NUP188: variants seen among roughly 807,000 people sequenced by gnomAD.
NUP188 encodes the protein nucleoporin 188.
A neutral mutation model predicts 223.0 loss-of-function variants in NUP188; 97 were observed. The ratio of observed to expected loss-of-function variants is 0.43; its 90% CI spans 0.37 to 0.51. The LOEUF is 0.51. Ranked by LOEUF, NUP188 falls within the 20% of genes least tolerant of loss-of-function variation. NUP188 has a pLI of 0.00. For synonymous variants in NUP188, 869 were observed against 828.0 expected, an observed-to-expected ratio of 1.05 and a Z score of -0.85; for missense variants, 1,947 against 2,175.6, an observed-to-expected ratio of 0.89 and a Z score of 2.09.
At chr9:128,970,606 G>T (rs1477226242) in intron 10 of NUP188, 152 bp from the exon 11 acceptor site, 3 of 639,228 alleles carry the variant, frequency 4.7e-6, no homozygotes, top group East Asian at 2.8e-5. Context: ...GTTTATTAGT[G>T]AGGTGACTGG....
At position 128,952,775 on chromosome 9, in the gene NUP188, T is replaced by G; in HGVS notation, c.90T>G (p.Ser30Arg). The G allele has an allele frequency of 6.2e-7, 1 of 1,611,916 alleles. No homozygotes were observed. Among genetic ancestry groups the G allele is most frequent in the Non-Finnish European group, 8.5e-7 (1 of 1,178,938 alleles). Residue 30 changes from serine to arginine, a missense_variant and splice_region_variant, in exon 3 of 44, where the codon AGT (serine) becomes AGG (arginine). Physicochemically the swap from Ser to Arg is moderately radical, Grantham distance 110. This residue lies in a region of NUP188 where 817 missense variants were observed against 865.8 expected (regional missense o/e 0.94). Transcript: ENST00000372577. Reference protein sequence around the residue: ...LLGRSALRELSQIEAELNKHW... With the variant: ...LLGRSALRELRQIEAELNKHW... ...ATAATTACCTTGTTCTTTTCCAGAG[T>G]CAGATTGAGGCAGAACTGAATAAAC...
chr9:128,970,868 G>A lies in NUP188; in HGVS notation c.1023G>A (p.Val341=). Residue 341 remains valine, a synonymous_variant, in exon 11 of 44, where the codon GTG becomes GTA. Coordinates refer to ENST00000372577, the MANE Select transcript of NUP188 (RefSeq NM_015354.3). ...TGAACCCAGAAGAGACAAGCAGTGTGGTCCGGAAGATAGGTGGCACAGCCA... is the reference window on the plus strand; with the variant it reads ...TGAACCCAGAAGAGACAAGCAGTGTAGTCCGGAAGATAGGTGGCACAGCCA... ...HTLNPEETSS[V]VRKIGGTAIQ... 1 of 1,614,080 alleles carries A rather than the reference G, an allele frequency of 6.2e-7. No individual in the cohort carries two copies. The highest frequency in any genetic ancestry group is 8.5e-7 in the Non-Finnish European group (1 of 1,180,020).
Position 128,955,630 on chromosome 9 carries a change from CT to C in NUP188, c.162-713del, listed in dbSNP as rs1841858031. Among the ~76,000 whole-genome samples the C allele has an allele frequency of 2.0e-5, 3 of 151,928 alleles. No individual in the cohort carries two copies. In the South Asian group the frequency reaches 6.2e-4, roughly 31 times the overall value. Reference sequence around the variant, plus strand: ...CCTTTGGGCGTGTCCTTCCTTTTTTCTTTTTTTCTTTTCTTTTTTTTCTATT... The same window carrying C: ...CCTTTGGGCGTGTCCTTCCTTTTTTCTTTTTTCTTTTCTTTTTTTTCTATT... On this transcript the variant is annotated intron_variant, in intron 3 of 43. Coordinates refer to ENST00000372577, the MANE Select transcript of NUP188 (RefSeq NM_015354.3).
intron 12 of NUP188, among the ~76,000 whole-genome samples, chr9:128,973,809 C>T (rs1588277592): frequency 6.6e-6 from 1 of 152,196 alleles, no homozygotes; most frequent in South Asian, 2.1e-4. Flanking sequence ...TATTCCCTTC[C>T]ATTTTCCAAA....
Position 128,999,154 on chromosome 9 carries a change from A to AC in NUP188, c.3516-15dup. 6.2e-7 allele frequency: 1 copy of AC among 1,612,650 alleles called. No homozygotes were observed. Among genetic ancestry groups the AC allele is most frequent in the Non-Finnish European group, 8.5e-7 (1 of 1,178,972 alleles). The stretch of plus-strand genomic sequence containing the variant: ...AGGCATGAGCCACCACGCCTGGCCC[A>AC]CCCAGTATTCTTTCTAGAGAGTTAG... On this transcript the variant is annotated splice_polypyrimidine_tract_variant and intron_variant, in intron 32 of 43. Coordinates refer to ENST00000372577, the MANE Select transcript of NUP188 (RefSeq NM_015354.3).
intron 11 of NUP188, 58 bp downstream of exon 11, chr9:128,971,016 A>G: frequency 7.7e-7 from 1 of 1,301,730 alleles, no homozygotes; most frequent in Non-Finnish European, 1.1e-6. Context: ...GCATTATAAT[A>G]ATGTAATAGT....
Position 129,005,668 on chromosome 9 carries a change from C to G in NUP188, c.4761C>G (p.Asn1587Lys), listed in dbSNP as rs12350674. ...AGTCCCTGGACCTTGCTGAATACAA[C>G]TTCCTGTTTGCCCTGAGCTTTACCA... ...LDQSLDLAEY[N>K]FLFALSFTTP... Residue 1587 changes from asparagine (N) to lysine (K), a missense_variant, in exon 41 of 44, where the codon AAC (asparagine) becomes AAG (lysine). Physicochemically the swap from Asn to Lys is moderately conservative, Grantham distance 94. Around this residue, in one of 3 missense-constraint regions of NUP188, gnomAD observed 905 missense variants for 990.6 expected, o/e 0.91. Coordinates refer to ENST00000372577, the MANE Select transcript of NUP188 (RefSeq NM_015354.3). 806 of 1,613,958 alleles carry G rather than the reference C, an allele frequency of 5.0e-4. 3 individuals are homozygous for G. The African/African-American group carries it at 9.7e-3, about 19-fold the overall frequency.
chr9:128,988,292 T>C, intron 24 of NUP188, 106 bp downstream of exon 24: 2 of 1,303,538 alleles, frequency 1.5e-6, no homozygotes, highest in South Asian at 2.8e-5. Context: ...AACAGTATTT[T>C]CTGCTTCTTG....
chr9:128,954,050 G>A (rs1009906130), intron 3 of NUP188, among the ~76,000 whole-genome samples: 2 of 151,988 alleles, frequency 1.3e-5, no homozygotes, highest in African/African-American at 4.8e-5. Flanking sequence ...GGCTGGCCTT[G>A]AACTCCTGAT....
chr9:128,959,950 A>T (rs2131144382), intron 8 of NUP188, among the ~76,000 whole-genome samples: 1 of 151,076 alleles, frequency 6.6e-6, no homozygotes, highest in East Asian at 1.9e-4. Flanking sequence ...CCATTAGTTT[A>T]CTTTCATTTC....
In NUP188 at chr9:128,968,536, C is replaced by G; in HGVS notation, c.616C>G (p.Gln206Glu). The change falls in exon 9 of 44, where the codon CAG (glutamine) becomes GAG (glutamate). Residue 206 changes from glutamine to glutamate, a missense_variant. Around this residue, in one of 3 missense-constraint regions of NUP188, gnomAD observed 817 missense variants for 865.8 expected, o/e 0.94. Coordinates refer to ENST00000372577, the MANE Select transcript of NUP188 (RefSeq NM_015354.3). ...TERQVSRWFV[Q>E]CLREQSMLLE... is the part of the protein sequence containing the mutation. ...GCGCCAAGTGTCTCGCTGGTTTGTT[C>G]AGTGCCTTCGGGAACAGTCCATGCT... 6.2e-7 allele frequency: 1 copy of G among 1,614,152 alleles called. No individual in the cohort carries two copies. The highest frequency in any genetic ancestry group is 8.5e-7 in the Non-Finnish European group (1 of 1,180,002).
chr9:128,994,877 G>C lies in NUP188; in HGVS notation c.3109G>C (p.Ala1037Pro), dbSNP rs200675399. The C allele has an allele frequency of 6.2e-7, 1 of 1,613,846 alleles. No homozygotes were observed. Among genetic ancestry groups the C allele is most frequent in the African/African-American group, 1.3e-5 (1 of 75,030 alleles). Reference protein sequence around the residue: ...TSEPSILETCALIMKIICLEI... With the variant: ...TSEPSILETCPLIMKIICLEI... ...ACAGCCCAGCATCCTGGAAACCTGTGCCCTAATCATGAAGATAATTTGCTT... is the reference window on the plus strand; with the variant it reads ...ACAGCCCAGCATCCTGGAAACCTGTCCCCTAATCATGAAGATAATTTGCTT... The change falls in exon 29 of 44, where the codon GCC becomes CCC. Residue 1037 changes from alanine (A) to proline (P), a missense_variant. Transcript: ENST00000372577.
At chr9:128,962,793 G>T (rs1564552399) in intron 8 of NUP188, among the ~76,000 whole-genome samples, 1 of 152,154 alleles carries the variant, frequency 6.6e-6, no homozygotes, top group East Asian at 1.9e-4. Context: ...TTAATGGGAA[G>T]CATTTTGATA....
intron 35 of NUP188, 49 bp from the exon 36 acceptor site, chr9:129,001,835 C>T (rs1290670039): frequency 1.3e-6 from 2 of 1,581,842 alleles, no homozygotes; most frequent in Non-Finnish European, 1.7e-6. Context: ...CTACCCTAGG[C>T]AGGGCAGGGG....
chr9:128,953,932 T>C (rs993004847), intron 3 of NUP188, among the ~76,000 whole-genome samples: 3 of 151,456 alleles, frequency 2.0e-5, no homozygotes, highest in African/African-American at 7.3e-5. Flanking sequence ...CGGGTTCAAG[T>C]GATTCGCTTG....
chr9:128,989,967 A>G (rs1459078665), intron 24 of NUP188, among the ~76,000 whole-genome samples, 153 bp from the exon 25 acceptor site: 2 of 152,230 alleles, frequency 1.3e-5, no homozygotes, highest in Non-Finnish European at 2.9e-5. Flanking sequence ...CAATCAAGAG[A>G]AGGATACAGC....
Position 128,987,575 on chromosome 9 carries a change from C to T in NUP188, c.2265-14C>T. The T allele has an allele frequency of 1.9e-6, 3 of 1,607,318 alleles. No homozygotes were observed. The highest frequency in any genetic ancestry group is 2.5e-6 in the Non-Finnish European group (3 of 1,176,870). On this transcript the variant is annotated splice_polypyrimidine_tract_variant and intron_variant, in intron 22 of 43. Coordinates refer to ENST00000372577, the MANE Select transcript of NUP188 (RefSeq NM_015354.3). ...AGTGGCTCCCTGGTAACTCAGAATA[C>T]CTCTGTCTTCCAGTCATACTCCCAG...
chr9:128,959,124 G>A lies in NUP188; in HGVS notation c.575G>A (p.Gly192Glu), dbSNP rs2131143492. Residue 192 changes from glycine to glutamate, a missense_variant, in exon 8 of 44, where the codon GGA (glycine) becomes GAA (glutamate). Around this residue, in one of 3 missense-constraint regions of NUP188, gnomAD observed 817 missense variants for 865.8 expected, o/e 0.94. Coordinates refer to ENST00000372577, the MANE Select transcript of NUP188 (RefSeq NM_015354.3). Reference sequence around the variant, plus strand: ...GAAGCACCAACTTGGGAGACACATGGAAATCTCATGGTATGTGGTTACTGT... The same window carrying A: ...GAAGCACCAACTTGGGAGACACATGAAAATCTCATGGTATGTGGTTACTGT... The part of the protein sequence containing the change: ...KTEAPTWETH[G>E]NLMTERQVSR... The A allele has an allele frequency of 6.3e-7, 1 of 1,596,296 alleles. No homozygotes were observed. Among genetic ancestry groups the A allele is most frequent in the East Asian group, 2.3e-5 (1 of 44,336 alleles).
At chr9:129,004,873 C>G (rs997220672) in intron 38 of NUP188, 1 of 528,208 alleles carries the variant, frequency 1.9e-6, no homozygotes. Context: ...CAGTCCAGTC[C>G]TGAGCCCTGC....
Sources: gnomAD v4.1 joint callset for allele counts (sites outside exome capture counted in the v4.1 genomes callset) on GRCh38, gnomAD v4.1.1 for gene constraint, gnomAD v4.1.1 regional missense constraint, MANE v1.5 for transcripts, NCBI Gene and HGNC (gene_info 2026-07-23, HGNC 2026-07-21) for gene names.